The following ASAP2 variants were observed in gnomAD, a reference collection of about 807,000 sequenced individuals.
ASAP2 encodes the protein ArfGAP with SH3 domain, ankyrin repeat and PH domain 2.
In ASAP2, 45 loss-of-function variants were observed where a neutral mutation model predicts 131.4. The observed-to-expected ratio is 0.34, with a 90% CI of 0.27 to 0.44. The LOEUF is 0.44. Ranked by LOEUF, ASAP2 falls within the 20% of genes least tolerant of loss-of-function variation. The probability of loss-of-function intolerance (pLI) is 1.00; values close to 1 mark genes in which losing one functional copy is unlikely to be tolerated. For missense variants in ASAP2, 1,011 were observed against 1,297.0 expected (o/e 0.78, Z 3.39); for synonymous variants, 510 against 503.0 (o/e 1.01, Z -0.19).
chr2:9,263,122 A>T (rs969597100), intron 1 of ASAP2, among the ~76,000 whole-genome samples: 2 of 151,628 alleles, frequency 1.3e-5, no homozygotes, highest in Non-Finnish European at 2.9e-5. Context: ...CCGTGGCTGC[A>T]TGCTGGCTTT....
chr2:9,326,853 G>T (rs1476629906), intron 6 of ASAP2, among the ~76,000 whole-genome samples: 1 of 152,198 alleles, frequency 6.6e-6, no homozygotes, highest in Non-Finnish European at 1.5e-5. Flanking sequence ...CAGGATAGCA[G>T]TGTATCTTCT....
intron 25 of ASAP2, among the ~76,000 whole-genome samples, 159 bp downstream of exon 25, chr2:9,400,231 C>CCCTCCCCT (rs1553332993): frequency 1.6e-5 from 1 of 61,572 alleles, no homozygotes; most frequent in South Asian, 4.8e-4. Flanking sequence ...CCCTCCTGCC[C>CCCTCCCCT]CCTCCCCTCC....
intron 3 of ASAP2, among the ~76,000 whole-genome samples, chr2:9,316,128 G>A (rs1669656210): frequency 6.6e-6 from 1 of 151,946 alleles, no homozygotes; most frequent in South Asian, 2.1e-4. Flanking sequence ...AGACTAGCCT[G>A]AGCAACACAG....
intron 1 of ASAP2, among the ~76,000 whole-genome samples, chr2:9,255,413 C>T (rs993372473): frequency 2.0e-5 from 3 of 152,176 alleles, no homozygotes; most frequent in Admixed American, 6.5e-5. Flanking sequence ...TGGGATAAAT[C>T]ATTCACACAG....
At chr2:9,257,140 T>C (rs1174978906) in intron 1 of ASAP2, among the ~76,000 whole-genome samples, 2 of 152,266 alleles carry the variant, frequency 1.3e-5, no homozygotes, top group African/African-American at 4.8e-5. Flanking sequence ...GTTCGTGGAG[T>C]GTTTACACGT....
chr2:9,294,528 T>C (rs1205400599), intron 2 of ASAP2, among the ~76,000 whole-genome samples: 1 of 152,204 alleles, frequency 6.6e-6, no homozygotes, highest in East Asian at 1.9e-4. Context: ...CTCTATGGTC[T>C]GGGGCAGGTG....
At chr2:9,275,061 G>A (rs1222592606) in intron 1 of ASAP2, among the ~76,000 whole-genome samples, 1 of 142,222 alleles carries the variant, frequency 7.0e-6, no homozygotes, top group Non-Finnish European at 1.5e-5. Context: ...CCAGTCCCAT[G>A]TTTTGTTTTT....
At chr2:9,271,847 A>G (rs559752114) in intron 1 of ASAP2, among the ~76,000 whole-genome samples, 1 of 152,050 alleles carries the variant, frequency 6.6e-6, no homozygotes, top group East Asian at 1.9e-4. Flanking sequence ...CCTTAACATA[A>G]TAACCTCTAT....
At chr2:9,234,728 C>T (rs1380793077) in intron 1 of ASAP2, among the ~76,000 whole-genome samples, 1 of 152,134 alleles carries the variant, frequency 6.6e-6, no homozygotes, top group Admixed American at 6.5e-5. Context: ...TTGAATTGAG[C>T]TGGGGGCAGG....
At chr2:9,275,082 GTTT>G (rs753527243) in intron 1 of ASAP2, among the ~76,000 whole-genome samples, 1 of 128,848 alleles carries the variant, frequency 7.8e-6, no homozygotes, top group Non-Finnish European at 1.6e-5. Flanking sequence ...TCATTTGTCT[GTTT>G]TTTTTTTTTT....
intron 1 of ASAP2, among the ~76,000 whole-genome samples, chr2:9,211,600 C>T (rs527458325): frequency 2.0e-3 from 301 of 152,174 alleles, no homozygotes; most frequent in South Asian, 2.9e-3. Flanking sequence ...TACTTCCTTC[C>T]GGGGCCATAA....
chr2:9,393,247 T>C (rs559797159), intron 23 of ASAP2, among the ~76,000 whole-genome samples: 13 of 152,324 alleles, frequency 8.5e-5, no homozygotes, highest in African/African-American at 2.9e-4. Flanking sequence ...CACAGGCTGA[T>C]AGAAAAATTG....
chr2:9,393,917 C>T (rs1393813079), intron 24 of ASAP2, among the ~76,000 whole-genome samples: 1 of 152,198 alleles, frequency 6.6e-6, no homozygotes, highest in Admixed American at 6.5e-5. Context: ...TTGCTGCTCA[C>T]CCCCCAGGTG....
intron 7 of ASAP2, among the ~76,000 whole-genome samples, chr2:9,333,406 A>T (rs989869441): frequency 3.9e-5 from 6 of 152,248 alleles, no homozygotes; most frequent in African/African-American, 1.4e-4. Flanking sequence ...CAAAATACAA[A>T]ATGCTCTGAG....
At chr2:9,280,783 G>A (rs1667082436) in intron 2 of ASAP2, among the ~76,000 whole-genome samples, 1 of 152,160 alleles carries the variant, frequency 6.6e-6, no homozygotes, top group Non-Finnish European at 1.5e-5. Context: ...TTAAGTGTGG[G>A]GCAGGGAGCA....
At chr2:9,354,237 A>G (rs113133857) in intron 12 of ASAP2, among the ~76,000 whole-genome samples, 1 of 152,210 alleles carries the variant, frequency 6.6e-6, no homozygotes, top group Non-Finnish European at 1.5e-5. Context: ...CCAGGTCCAC[A>G]TGGCAGGTTA....
intron 26 of ASAP2, 135 bp from the exon 27 acceptor site, chr2:9,401,139 C>T (rs907288297): frequency 1.8e-6 from 2 of 1,104,282 alleles, no homozygotes; most frequent in Non-Finnish European, 2.6e-6. Context: ...CTGACCTGCC[C>T]CACCTTGGCA....
At chr2:9,224,438 C>G (rs996946675) in intron 1 of ASAP2, among the ~76,000 whole-genome samples, 12 of 152,152 alleles carry the variant, frequency 7.9e-5, no homozygotes, top group African/African-American at 2.9e-4. Context: ...TTGTCAAGGT[C>G]CAGCTAATCT....
At chr2:9,334,717 G>C (rs1269842319) in intron 7 of ASAP2, 21 bp from the exon 8 acceptor site, 28 of 1,605,928 alleles carry the variant, frequency 1.7e-5, no homozygotes, top group Non-Finnish European at 2.4e-5. Context: ...TGTCATCTCT[G>C]TTTCTTCTTT....
Sources: gnomAD v4.1 joint callset for allele counts (sites outside exome capture counted in the v4.1 genomes callset) on GRCh38, gnomAD v4.1.1 for gene constraint, MANE v1.5 for transcripts, NCBI Gene and HGNC (gene_info 2026-07-23, HGNC 2026-07-21) for gene names.